The following EYA2 variants were observed in gnomAD, a reference collection of about 807,000 sequenced individuals.
The protein encoded by EYA2 is protein phosphatase EYA2.
A neutral mutation model predicts 69.2 loss-of-function variants in EYA2; 31 were observed. The observed-to-expected ratio is 0.45, with a 90% CI of 0.34 to 0.60. The LOEUF (loss-of-function observed/expected upper bound fraction) is 0.60, where lower values mean the gene tolerates loss of function less well. Ranked by LOEUF, EYA2 falls within the 20% of genes least tolerant of loss-of-function variation. EYA2 has a pLI of 0.02. For missense variants in EYA2, 622 were observed against 701.2 expected (o/e 0.89, Z 1.28); for synonymous variants, 257 against 279.4 (o/e 0.92, Z 0.80).
intron 11 of EYA2, among the ~76,000 whole-genome samples, chr20:47,172,459 A>G (rs1381946014): frequency 6.6e-6 from 1 of 152,204 alleles, no homozygotes; most frequent in Non-Finnish European, 1.5e-5. Flanking sequence ...AATAAAAATT[A>G]AAAAATAAAT....
At chr20:47,044,309 TACTC>T (rs33999153) in intron 5 of EYA2, among the ~76,000 whole-genome samples, 26,239 of 152,094 alleles carry the variant, frequency 0.17, 2,496 homozygotes, top group East Asian at 0.35. Context: ...TTCTTAGACT[TACTC>T]ATTCATTCAG....
Position 47,054,758 on chromosome 20 carries a change from C to G in EYA2, c.416-17427C>G, listed in dbSNP as rs7263462. On this transcript the variant is annotated intron_variant, in intron 5 of 15. Coordinates refer to ENST00000327619, the MANE Select transcript of EYA2 (RefSeq NM_005244.5). ...GGGGGACATGCAGCCAGTCTCCTAGCTATGCCAGGCCCTGCTTCTGTCTCT... is the reference window on the plus strand; with the variant it reads ...GGGGGACATGCAGCCAGTCTCCTAGGTATGCCAGGCCCTGCTTCTGTCTCT... 3.1e-3 allele frequency among the ~76,000 whole-genome samples: 471 copies of G among 152,292 alleles called. 1 individual carries two copies. The highest frequency in any genetic ancestry group is 0.011 in the African/African-American group (445 of 41,534).
intron 12 of EYA2, among the ~76,000 whole-genome samples, chr20:47,175,624 T>C (rs2034410977): frequency 6.6e-6 from 1 of 152,264 alleles, no homozygotes; most frequent in South Asian, 2.1e-4. Flanking sequence ...ACTTTTGTTA[T>C]CTGGGGAAGG....
chr20:46,990,596 T>G (rs900393273), intron 2 of EYA2, among the ~76,000 whole-genome samples: 1 of 152,228 alleles, frequency 6.6e-6, no homozygotes, highest in Non-Finnish European at 1.5e-5. Flanking sequence ...CAGAGAAGAA[T>G]TAAAGTTGTT....
At chr20:46,929,373 C>T (rs747605562) in intron 1 of EYA2, among the ~76,000 whole-genome samples, 1 of 149,538 alleles carries the variant, frequency 6.7e-6, no homozygotes, top group African/African-American at 2.5e-5. Flanking sequence ...CCTAGTAACA[C>T]GGGAAGATGG....
At chr20:47,048,784 T>C (rs1241285141) in intron 5 of EYA2, among the ~76,000 whole-genome samples, 2 of 152,054 alleles carry the variant, frequency 1.3e-5, no homozygotes, top group African/African-American at 2.4e-5. Flanking sequence ...CTGGCAGATA[T>C]TATGAAATGT....
chr20:47,028,944 AC>A (rs11479769), intron 5 of EYA2, among the ~76,000 whole-genome samples: 5,629 of 146,332 alleles, frequency 0.038, 327 homozygotes, highest in African/African-American at 0.14. Flanking sequence ...TTAAAAAAAA[AC>A]AAATGCCAGA....
intron 5 of EYA2, among the ~76,000 whole-genome samples, chr20:47,060,240 C>G (rs1445123928): frequency 1.3e-5 from 2 of 152,230 alleles, no homozygotes; most frequent in South Asian, 2.1e-4. Flanking sequence ...CAAGAACTCT[C>G]TACCCCAAGG....
intron 1 of EYA2, among the ~76,000 whole-genome samples, chr20:46,956,583 T>C (rs3092024): frequency 0.14 from 21,067 of 152,144 alleles, 3,390 homozygotes; most frequent in African/African-American, 0.39. Context: ...AAGGTCTTAA[T>C]GGCCAGCCCT....
intron 5 of EYA2, among the ~76,000 whole-genome samples, chr20:47,023,633 T>TTTG (rs1555813775): frequency 2.6e-4 from 2 of 7,636 alleles, no homozygotes; most frequent in Admixed American, 1.8e-3. Flanking sequence ...ATTTTGGGTG[T>TTTG]TTTTTTTTTT....
intron 9 of EYA2, among the ~76,000 whole-genome samples, chr20:47,100,736 C>T (rs914067219): frequency 6.6e-6 from 1 of 152,248 alleles, no homozygotes; most frequent in Admixed American, 6.5e-5. Flanking sequence ...TTTTCCATTC[C>T]CTCCTCCAGC....
intron 1 of EYA2, among the ~76,000 whole-genome samples, chr20:46,948,671 T>C (rs542162526): frequency 1.3e-5 from 2 of 152,192 alleles, no homozygotes; most frequent in Non-Finnish European, 2.9e-5. Flanking sequence ...TTATTGTGTT[T>C]CTCTCGTAAG....
In EYA2 at chr20:46,897,058, A is replaced by G. The variant is rs531715874; in HGVS notation, c.-11+2071A>G. On this transcript the variant is annotated intron_variant, in intron 1 of 15. Coordinates refer to ENST00000327619, the MANE Select transcript of EYA2 (RefSeq NM_005244.5). Reference sequence around the variant, plus strand: ...ACGTAAGTTTTAGAATCTTCTTTTCATGTCTTTTGTTTTGCATTAAACACA... The same window carrying G: ...ACGTAAGTTTTAGAATCTTCTTTTCGTGTCTTTTGTTTTGCATTAAACACA... Among the ~76,000 whole-genome samples the G allele has an allele frequency of 7.2e-5, 11 of 152,260 alleles. No individual in the cohort carries two copies. The South Asian group carries it at 1.7e-3, about 23-fold the overall frequency.
chr20:46,981,977 T>C (rs1051232331), intron 1 of EYA2, among the ~76,000 whole-genome samples: 1 of 152,210 alleles, frequency 6.6e-6, no homozygotes, highest in South Asian at 2.1e-4. Context: ...CTAAATATTA[T>C]AGGATACATT....
chr20:47,056,990 G>A (rs1490315744), intron 5 of EYA2, among the ~76,000 whole-genome samples: 1 of 150,044 alleles, frequency 6.7e-6, no homozygotes, highest in Non-Finnish European at 1.5e-5. Flanking sequence ...AGGCTGCAGT[G>A]AGCTAAGATC....
intron 1 of EYA2, among the ~76,000 whole-genome samples, chr20:46,985,048 C>T (rs1365031618): frequency 6.6e-6 from 1 of 152,192 alleles, no homozygotes; most frequent in Non-Finnish European, 1.5e-5. Flanking sequence ...AAACACATGC[C>T]ACACATAAAA....
intron 10 of EYA2, among the ~76,000 whole-genome samples, chr20:47,165,031 G>A (rs1187982050): frequency 6.6e-6 from 1 of 152,200 alleles, no homozygotes; most frequent in Non-Finnish European, 1.5e-5. Flanking sequence ...AATATCTGCA[G>A]CGTTCACTGC....
chr20:46,961,057 G>A (rs1043359927), intron 1 of EYA2, among the ~76,000 whole-genome samples: 3 of 152,174 alleles, frequency 2.0e-5, no homozygotes, highest in Non-Finnish European at 4.4e-5. Context: ...AAATAAGGCC[G>A]AGCACAGTGG....
intron 5 of EYA2, among the ~76,000 whole-genome samples, chr20:47,023,510 C>T (rs1283958514): frequency 6.6e-6 from 1 of 152,026 alleles, no homozygotes; most frequent in Non-Finnish European, 1.5e-5. Context: ...TGTTCCACAC[C>T]ACTACCTCCC....
Sources: gnomAD v4.1 joint callset for allele counts (sites outside exome capture counted in the v4.1 genomes callset) on GRCh38, gnomAD v4.1.1 for gene constraint, MANE v1.5 for transcripts, NCBI Gene and HGNC (gene_info 2026-07-23, HGNC 2026-07-21) for gene names.